MED16: variants seen among roughly 807,000 people sequenced by gnomAD.
MED16 encodes mediator of RNA polymerase II transcription subunit 16.
A neutral mutation model predicts 84.4 loss-of-function variants in MED16; 81 were observed. That is an observed-to-expected ratio of 0.96 (90% CI 0.80 to 1.15). The LOEUF (loss-of-function observed/expected upper bound fraction) is 1.15, where lower values mean the gene tolerates loss of function less well. Among genes scored for constraint, MED16 ranks in the 50% most tolerant of loss-of-function variants. The pLI is 0.00. For synonymous variants in MED16, 897 were observed against 552.2 expected (o/e 1.62, Z -8.76); for missense variants, 1,585 against 1,245.9 (o/e 1.27, Z -4.10).
intron 6 of MED16, among the ~76,000 whole-genome samples, chr19:883,952 G>A (rs1043602075): frequency 3.3e-5 from 5 of 152,130 alleles, no homozygotes; most frequent in Admixed American, 2.0e-4. Context: ...ACAAGCCCTG[G>A]GGGAAGGAAT....
intron 7 of MED16, among the ~76,000 whole-genome samples, chr19:881,268 G>A (rs961691128): frequency 2.0e-5 from 3 of 152,202 alleles, no homozygotes; most frequent in African/African-American, 7.2e-5. Flanking sequence ...CGCCTACCCA[G>A]GAAGGAGTTC....
chr19:889,844 G>A (rs760290167), intron 3 of MED16, 37 bp from the exon 4 acceptor site: 8 of 1,582,104 alleles, frequency 5.1e-6, no homozygotes, highest in Non-Finnish European at 1.7e-6. Flanking sequence ...ACCTTCCAGG[G>A]ATGGGCAGAG....
At position 880,003 on chromosome 19, in the gene MED16, G is replaced by T. The variant is rs563849886; in HGVS notation, c.1287C>A (p.Val429=). 5 of 1,610,016 alleles carry T rather than the reference G, an allele frequency of 3.1e-6. No homozygotes were observed. The South Asian group carries it at 3.3e-5, about 11-fold the overall frequency. ...ACGATAGCTGCATAGCCTTTAAGTG[G>T]ACGGCGGGGCCCGCGGTGCGGGGGC... ...MKRPRTAGPA[V]HLKAMQLSWT... Residue 429 remains valine, a synonymous_variant, in exon 8 of 16, where the codon GTC becomes GTA. Transcript: ENST00000325464.
intron 3 of MED16, 105 bp downstream of exon 3, chr19:890,032 G>A: frequency 2.2e-6 from 2 of 897,612 alleles, no homozygotes; most frequent in Non-Finnish European, 3.4e-6. Context: ...GCAGACCAGG[G>A]GCTCTAGACC....
intron 12 of MED16, 96 bp from the exon 13 acceptor site, chr19:871,349 A>AG: frequency 7.2e-7 from 1 of 1,380,534 alleles, no homozygotes; most frequent in South Asian, 1.4e-5. Flanking sequence ...CAGGAGCACC[A>AG]GGTCAGGGCC....
Position 889,800 on chromosome 19 carries a change from C to T in MED16, c.285G>A (p.Arg95=), listed in dbSNP as rs1350226333. The change falls in exon 4 of 16, where the codon CGG becomes CGA. Residue 95 remains arginine (R), a synonymous_variant. Transcript: ENST00000325464. ...TCLEWDQSGS[R]LLSADADGQI... ...GCCCGTCGGCATCTGCTGACAGGAG[C>T]CGGGAGCCTGAGGGCAAGAAGCCAT... 1.1e-5 allele frequency: 17 copies of T among 1,610,398 alleles called. No individual in the cohort carries two copies. Among genetic ancestry groups the T allele is most frequent in the Non-Finnish European group, 1.4e-5 (17 of 1,178,914 alleles).
At chr19:873,171 G>A (rs1362254043) in intron 11 of MED16, 2 of 458,984 alleles carry the variant, frequency 4.4e-6, no homozygotes, top group Non-Finnish European at 7.4e-6. Context: ...GTGGGGCAGG[G>A]CTAGGAAGTG....
intron 14 of MED16, 83 bp from the exon 15 acceptor site, chr19:868,582 TCTCC>T: frequency 1.3e-6 from 2 of 1,550,558 alleles, no homozygotes; most frequent in Non-Finnish European, 1.7e-6. Context: ...TCCAGGCAGG[TCTCC>T]CTCTGCTCGC....
At position 868,235 on chromosome 19, in the gene MED16, CACGGCCTTCAACAGCCCTGCAGG is replaced by C. The variant is rs750832060; in HGVS notation, c.2484-7_2499del. ...CTGCTGGTCACGCAGGCGTCCGGCCCACGGCCTTCAACAGCCCTGCAGGGCGGGCTGAGGTTAACCGCGCCGAG... is the reference window on the plus strand; with the variant it reads ...CTGCTGGTCACGCAGGCGTCCGGCCCGCGGGCTGAGGTTAACCGCGCCGAG... On this transcript the variant is annotated splice_acceptor_variant and splice_polypyrimidine_tract_variant and coding_sequence_variant and intron_variant, in exon 16 of 16. Transcript: ENST00000325464. LOFTEE classifies it high-confidence loss of function. 2.7e-4 allele frequency: 426 copies of C among 1,596,938 alleles called. No homozygotes were observed. Among genetic ancestry groups the C allele is most frequent in the Non-Finnish European group, 3.1e-4 (368 of 1,172,914 alleles).
intron 12 of MED16, 88 bp from the exon 13 acceptor site, chr19:871,341 G>C: frequency 7.1e-7 from 1 of 1,402,846 alleles, no homozygotes; most frequent in Non-Finnish European, 9.6e-7. Context: ...CTCCAGTTCA[G>C]GAGCACCAGG....
chr19:871,262 A>G lies in MED16; in HGVS notation c.2099-9T>C. The G allele has an allele frequency of 6.5e-7, 1 of 1,529,348 alleles. No homozygotes were observed. The highest frequency in any genetic ancestry group is 8.8e-7 in the Non-Finnish European group (1 of 1,132,156). The allele number at this position is 1,529,348 out of a possible 1,614,324, so 94.7% of individuals were successfully genotyped here. A position where few individuals can be genotyped will look rare whatever the true frequency, so the allele number is the denominator to read the frequency against. ...TGGGCCCTCATCGCGACCTGCGGAG[A>G]GAGGTGGCGGAAGTCTCAGCACCCC... On this transcript the variant is annotated splice_polypyrimidine_tract_variant and intron_variant, in intron 12 of 15. Coordinates refer to ENST00000325464, the MANE Select transcript of MED16 (RefSeq NM_005481.3).
At chr19:873,780 G>A (rs908712427) in intron 10 of MED16, among the ~76,000 whole-genome samples, 198 bp from the exon 11 acceptor site, 3 of 152,056 alleles carry the variant, frequency 2.0e-5, no homozygotes, top group African/African-American at 7.2e-5. Context: ...CCCCCCCCCG[G>A]GGGCCGCTGT....
In MED16 at chr19:876,974, C is replaced by G; in HGVS notation, c.1560G>C (p.Gln520His). The G allele has an allele frequency of 1.2e-6, 2 of 1,609,648 alleles. No individual in the cohort carries two copies. Among genetic ancestry groups the G allele is most frequent in the Non-Finnish European group, 1.7e-6 (2 of 1,178,322 alleles). Residue 520 changes from glutamine to histidine, a missense_variant and splice_region_variant, in exon 9 of 16, where the codon CAG (glutamine) becomes CAC (histidine). Coordinates refer to ENST00000325464, the MANE Select transcript of MED16 (RefSeq NM_005481.3). ...GGCCCCACCTGCCACGGGCCCCCAC[C>G]TGCTGCAGGGCAGCGGTCTGGCGCG... The part of the protein sequence containing the change: ...EYTRQTAALQ[Q>H]VLSTRILAMK...
At chr19:877,893 C>A (rs2036294821) in intron 8 of MED16, among the ~76,000 whole-genome samples, 1 of 146,654 alleles carries the variant, frequency 6.8e-6, no homozygotes. Flanking sequence ...TTGTCAATGC[C>A]CACCAGCCCC....
In MED16 at chr19:880,420, G is replaced by A. The variant is rs557316056; in HGVS notation, c.1142-272C>T. Among the ~76,000 whole-genome samples the A allele has an allele frequency of 2.8e-4, 42 of 152,324 alleles. 1 individual carries two copies. In the East Asian group the frequency reaches 5.8e-3, roughly 21 times the overall value. On this transcript the variant is annotated intron_variant, in intron 7 of 15. Transcript: ENST00000325464. ...GCTGGGCCCATGTCCTGGCTGACAC[G>A]CCCCTCAAGGAGCGCAGGGGAGGGG... is the stretch of plus-strand genomic sequence containing the variant.
rs2036612354 is a variant in MED16 at position 890,552 on chromosome 19, CT to C, written c.170-309del. The C allele has an allele frequency of 1.3e-5, 5 of 372,526 alleles. No individual in the cohort carries two copies. In the South Asian group the frequency reaches 2.8e-4, roughly 21 times the overall value. 23.1% of individuals were successfully genotyped at this position (372,526 alleles called of 1,614,324 possible). A position where few individuals can be genotyped will look rare whatever the true frequency, so the allele number is the denominator to read the frequency against. ...TGCACCCCGATTTGATTCCAATTTT[CT>C]GTGGTTTTCTAGTTTTCTCTAATGA... On this transcript the variant is annotated intron_variant, in intron 2 of 15. Coordinates refer to ENST00000325464, the MANE Select transcript of MED16 (RefSeq NM_005481.3).
At chr19:885,184 C>T (rs186280065) in intron 5 of MED16, among the ~76,000 whole-genome samples, 176 bp from the exon 6 acceptor site, 7 of 152,310 alleles carry the variant, frequency 4.6e-5, no homozygotes, top group African/African-American at 1.7e-4. Context: ...AGCCCAACAT[C>T]CACTCACAGG....
chr19:872,634 C>A (rs1017757939), intron 11 of MED16, among the ~76,000 whole-genome samples: 1 of 139,512 alleles, frequency 7.2e-6, no homozygotes, highest in Non-Finnish European at 1.5e-5. Context: ...ACAGCTGGGG[C>A]AGGACAGAGT....
intron 4 of MED16, among the ~76,000 whole-genome samples, chr19:887,358 T>C (rs542532266): frequency 3.2e-4 from 49 of 152,128 alleles, no homozygotes; most frequent in Non-Finnish European, 5.9e-4. Flanking sequence ...ATGTGCCTTT[T>C]ATTAATGTAA....
Sources: gnomAD v4.1 joint callset for allele counts (sites outside exome capture counted in the v4.1 genomes callset) on GRCh38, gnomAD v4.1.1 for gene constraint, MANE v1.5 for transcripts, NCBI Gene and HGNC (gene_info 2026-07-23, HGNC 2026-07-21) for gene names.